Variants in VAV3 observed in about 807,000 individuals in gnomAD.
VAV3 encodes vav guanine nucleotide exchange factor 3, also known as guanine nucleotide exchange factor VAV3.
Under a neutral mutation model 131.2 loss-of-function variants are expected in VAV3, and 94 were observed. The ratio of observed to expected loss-of-function variants is 0.72; its 90% CI spans 0.61 to 0.85. VAV3 has a LOEUF of 0.85. VAV3 is among the 40% of genes least tolerant of loss of function. The pLI, the probability that VAV3 is intolerant of heterozygous loss-of-function variation, is 0.00. For missense variants in VAV3, 939 were observed against 1,002.7 expected (o/e 0.94, Z 0.86); for synonymous variants, 349 against 342.0 (o/e 1.02, Z -0.22).
At chr1:107,714,881 T>G (rs1199097182) in intron 15 of VAV3, among the ~76,000 whole-genome samples, 1 of 152,198 alleles carries the variant, frequency 6.6e-6, no homozygotes, top group Non-Finnish European at 1.5e-5. Context: ...TCTTATCTAC[T>G]ATATATTACA....
At chr1:107,873,571 C>A (rs1477119336) in intron 2 of VAV3, among the ~76,000 whole-genome samples, 1 of 152,088 alleles carries the variant, frequency 6.6e-6, no homozygotes, top group Non-Finnish European at 1.5e-5. Flanking sequence ...AGAGAAGTGT[C>A]CACCTCACCT....
rs1451582617 is a variant in VAV3, at chr1:107,931,378, A to G, written c.204+33288T>C. Among the ~76,000 whole-genome samples the G allele has an allele frequency of 7.2e-5, 11 of 152,212 alleles. No homozygotes were observed. The East Asian group carries it at 2.1e-3, about 29-fold the overall frequency. The stretch of plus-strand genomic sequence containing the variant: ...TTGAATACATGTATCAAAATATCAC[A>G]TTGTACCCTATAAGTATGCACAATT... On this transcript the variant is annotated intron_variant, in intron 1 of 26. Coordinates refer to ENST00000370056, the MANE Select transcript of VAV3 (RefSeq NM_006113.5).
chr1:107,753,507 T>TACACACACACATATATAC (rs1243081206), intron 12 of VAV3, among the ~76,000 whole-genome samples: 1 of 66,298 alleles, frequency 1.5e-5, no homozygotes, highest in Non-Finnish European at 3.3e-5. Context: ...CACATATATA[T>TACACACACACATATATAC]ACACACATAT....
At chr1:107,872,174 G>C (rs1367241979) in intron 2 of VAV3, among the ~76,000 whole-genome samples, 1 of 152,050 alleles carries the variant, frequency 6.6e-6, no homozygotes. Flanking sequence ...CCCAAGCAAG[G>C]AGACCCTAGA....
At chr1:107,656,882 C>T (rs567904830) in intron 19 of VAV3, among the ~76,000 whole-genome samples, 1 of 151,494 alleles carries the variant, frequency 6.6e-6, no homozygotes, top group East Asian at 1.9e-4. Flanking sequence ...AACTTCTGAC[C>T]TCAGCATATA....
chr1:107,779,273 T>G (rs548658405), intron 3 of VAV3, among the ~76,000 whole-genome samples, 161 bp downstream of exon 3: 1 of 152,278 alleles, frequency 6.6e-6, no homozygotes, highest in African/African-American at 2.4e-5. Context: ...TCTACCTTGC[T>G]CAATTAATTT....
At chr1:107,852,144 A>T (rs1235314372) in intron 2 of VAV3, among the ~76,000 whole-genome samples, 2 of 152,140 alleles carry the variant, frequency 1.3e-5, no homozygotes, top group Admixed American at 1.3e-4. Context: ...TTAAAATGGA[A>T]CTAAGACTGT....
At position 107,757,411 on chromosome 1, in the gene VAV3, C is replaced by G. The variant is rs529751170; in HGVS notation, c.1018-82G>C. ...AAAGAAAACATTTTTACAAATAAAC[C>G]ATTATTATTGGTTTTCTCTCTATAA... On this transcript the variant is annotated intron_variant, in intron 10 of 26. Coordinates refer to ENST00000370056, the MANE Select transcript of VAV3 (RefSeq NM_006113.5). The G allele has an allele frequency of 3.2e-5, 37 of 1,165,412 alleles. No individual in the cohort carries two copies. The East Asian group carries it at 9.5e-4, about 30-fold the overall frequency. 72.2% of individuals were successfully genotyped at this position (1,165,412 alleles called of 1,614,324 possible).
intron 20 of VAV3, among the ~76,000 whole-genome samples, chr1:107,634,072 A>G (rs574363234): frequency 6.6e-6 from 1 of 152,320 alleles, no homozygotes; most frequent in East Asian, 1.9e-4. Context: ...ATTCAATGCC[A>G]TCCCCATCAA....
chr1:107,906,351 A>C (rs1477744656), intron 1 of VAV3, among the ~76,000 whole-genome samples: 1 of 152,204 alleles, frequency 6.6e-6, no homozygotes, highest in Non-Finnish European at 1.5e-5. Context: ...TAAGCTTCAC[A>C]ACTGGGAAGT....
chr1:107,858,779 A>G (rs1669597546), intron 2 of VAV3, among the ~76,000 whole-genome samples: 1 of 152,226 alleles, frequency 6.6e-6, no homozygotes, highest in Non-Finnish European at 1.5e-5. Flanking sequence ...AGATGAGAGT[A>G]TCCTGGAAGT....
chr1:107,644,703 T>C (rs951563928), intron 19 of VAV3, among the ~76,000 whole-genome samples: 2 of 152,002 alleles, frequency 1.3e-5, no homozygotes, highest in African/African-American at 4.8e-5. Flanking sequence ...ACAGAGTGTT[T>C]AGGAAAAAAT....
intron 2 of VAV3, among the ~76,000 whole-genome samples, chr1:107,842,447 C>T (rs1668764215): frequency 6.6e-6 from 1 of 152,158 alleles, no homozygotes; most frequent in African/African-American, 2.4e-5. Flanking sequence ...CTCTTATAAA[C>T]AGTGTATAGT....
intron 21 of VAV3, among the ~76,000 whole-genome samples, chr1:107,617,122 T>C (rs1653216514): frequency 6.6e-6 from 1 of 152,202 alleles, no homozygotes; most frequent in African/African-American, 2.4e-5. Flanking sequence ...CACTAAAGTA[T>C]AGAAAATATA....
At chr1:107,828,506 T>C (rs1374301534) in intron 2 of VAV3, among the ~76,000 whole-genome samples, 5 of 152,192 alleles carry the variant, frequency 3.3e-5, no homozygotes, top group African/African-American at 4.8e-5. Flanking sequence ...TGTTGAATTT[T>C]TGACTTACAA....
intron 19 of VAV3, among the ~76,000 whole-genome samples, chr1:107,667,713 A>G (rs1232315844): frequency 6.6e-6 from 1 of 152,204 alleles, no homozygotes; most frequent in East Asian, 1.9e-4. Flanking sequence ...TAATGAAGAC[A>G]TTAAGGGAAA....
At chr1:107,734,528 T>C (rs1038027290) in intron 15 of VAV3, among the ~76,000 whole-genome samples, 1 of 151,990 alleles carries the variant, frequency 6.6e-6, no homozygotes, top group Non-Finnish European at 1.5e-5. Context: ...ACCAACCAGA[T>C]GGAAAGCAAA....
At chr1:107,598,874 ATTAC>A (rs1651611537) in intron 24 of VAV3, among the ~76,000 whole-genome samples, 1 of 151,996 alleles carries the variant, frequency 6.6e-6, no homozygotes, top group African/African-American at 2.4e-5. Flanking sequence ...TCCTAGTCTT[ATTAC>A]TTAAATTGAG....
chr1:107,923,630 G>T (rs1673022517), intron 1 of VAV3, among the ~76,000 whole-genome samples: 1 of 151,996 alleles, frequency 6.6e-6, no homozygotes, highest in Non-Finnish European at 1.5e-5. Context: ...TCTTTACATG[G>T]TGTCAGGAAA....
Sources: gnomAD v4.1 joint callset for allele counts (sites outside exome capture counted in the v4.1 genomes callset) on GRCh38, gnomAD v4.1.1 for gene constraint, MANE v1.5 for transcripts, NCBI Gene and HGNC (gene_info 2026-07-23, HGNC 2026-07-21) for gene names.